The following EIF4G3 variants were observed in gnomAD, a reference collection of about 807,000 sequenced individuals.
EIF4G3 encodes eIF-4-gamma 3.
Under a neutral mutation model 186.4 loss-of-function variants are expected in EIF4G3, and 34 were observed. The ratio of observed to expected loss-of-function variants is 0.18; its 90% CI spans 0.14 to 0.24. The LOEUF (loss-of-function observed/expected upper bound fraction) is 0.24, where lower values mean the gene tolerates loss of function less well. EIF4G3 is among the 10% of genes least tolerant of loss of function. The pLI is 1.00. For missense variants in EIF4G3, 1,536 were observed against 1,948.5 expected (o/e 0.79, Z 3.99); for synonymous variants, 673 against 679.5 (o/e 0.99, Z 0.15).
chr1:21,009,226 G>A (rs1486120487), intron 4 of EIF4G3, among the ~76,000 whole-genome samples: 1 of 151,946 alleles, frequency 6.6e-6, no homozygotes, highest in Non-Finnish European at 1.5e-5. Flanking sequence ...TGTCACCTAC[G>A]CTAAAGTGCA....
intron 2 of EIF4G3, among the ~76,000 whole-genome samples, chr1:21,104,414 T>C (rs1236625715): frequency 1.3e-5 from 2 of 152,076 alleles, no homozygotes; most frequent in Non-Finnish European, 2.9e-5. Flanking sequence ...GCAAAGAACA[T>C]GAACAAACAC....
At chr1:21,070,393 C>A (rs6692244) in intron 3 of EIF4G3, among the ~76,000 whole-genome samples, 56,250 of 152,032 alleles carry the variant, frequency 0.37, 11,042 homozygotes, top group Non-Finnish European at 0.43. Flanking sequence ...TTATTACAAA[C>A]CTTTCTATAC....
At chr1:21,005,804 A>T (rs1344623857) in intron 4 of EIF4G3, among the ~76,000 whole-genome samples, 2 of 152,198 alleles carry the variant, frequency 1.3e-5, no homozygotes. Context: ...TACTAAAAAA[A>T]ACAAAGAATT....
At chr1:20,922,379 C>T (rs1286139040) in intron 14 of EIF4G3, among the ~76,000 whole-genome samples, 1 of 152,074 alleles carries the variant, frequency 6.6e-6, no homozygotes, top group Non-Finnish European at 1.5e-5. Flanking sequence ...ATCTCCGCCA[C>T]CTCTGCCTCC....
chr1:21,008,187 G>A (rs1306455745), intron 4 of EIF4G3, among the ~76,000 whole-genome samples: 2 of 152,170 alleles, frequency 1.3e-5, no homozygotes, highest in East Asian at 3.8e-4. Context: ...CCAGTAGGAA[G>A]TCTGCTATTT....
intron 2 of EIF4G3, chr1:21,167,944 A>G (rs2097885755): frequency 4.9e-6 from 2 of 405,518 alleles, no homozygotes; most frequent in Non-Finnish European, 1.0e-5. Flanking sequence ...CAATAACTCA[A>G]AAGATGTTTG....
intron 14 of EIF4G3, among the ~76,000 whole-genome samples, chr1:20,917,204 G>A (rs2093974691): frequency 6.6e-6 from 1 of 152,194 alleles, no homozygotes; most frequent in Admixed American, 6.5e-5. Context: ...CTGAATGAAA[G>A]AAGCCAGTCA....
At chr1:20,821,972 G>A (rs1359704182) in intron 33 of EIF4G3, among the ~76,000 whole-genome samples, 2 of 152,048 alleles carry the variant, frequency 1.3e-5, no homozygotes, top group Non-Finnish European at 1.5e-5. Flanking sequence ...CTGCCTCCTG[G>A]GTTCAAGCAA....
At chr1:20,993,501 G>C (rs1341567920) in intron 7 of EIF4G3, among the ~76,000 whole-genome samples, 3 of 151,860 alleles carry the variant, frequency 2.0e-5, no homozygotes, top group Admixed American at 6.6e-5. Context: ...TTTTTTCTTT[G>C]CAACAGCTAT....
At position 21,050,848 on chromosome 1, in the gene EIF4G3, A is replaced by T. The variant is rs1312846210; in HGVS notation, c.-67+18T>A. 2 of 689,470 alleles carry T rather than the reference A, an allele frequency of 2.9e-6. No homozygotes were observed. Among genetic ancestry groups the T allele is most frequent in the Non-Finnish European group, 5.3e-6 (2 of 378,194 alleles). The allele number at this position is 689,470 out of a possible 1,614,324, so 42.7% of individuals were successfully genotyped here. On this transcript the variant is annotated intron_variant, in intron 4 of 36. Transcript: ENST00000602326. ...TTACAGGGACATTTCTTATTTTTTT[A>T]AAAAAGGTTTATCTTACTTGAGAGA...
At position 20,943,996 on chromosome 1, in the gene EIF4G3, G is replaced by T. The variant is rs1413596450; in HGVS notation, c.824-1666C>A. 3.5e-4 allele frequency among the ~76,000 whole-genome samples: 48 copies of T among 137,194 alleles called. 1 individual carries two copies. The highest frequency in any genetic ancestry group is 1.2e-3 in the African/African-American group (44 of 37,948). 90.0% of individuals were successfully genotyped at this position (137,194 alleles called of 152,430 possible). ...TTTTTGTGTGTGTGTGTGTGTGTGT[G>T]TGTGTGTGTGTGTGTGTGTGTGTGT... On this transcript the variant is annotated intron_variant, in intron 13 of 36. Coordinates refer to ENST00000602326, the MANE Select transcript of EIF4G3 (RefSeq NM_001391906.1).
intron 2 of EIF4G3, among the ~76,000 whole-genome samples, chr1:21,094,765 TATA>T (rs368168938): frequency 0.058 from 8,212 of 140,830 alleles, 298 homozygotes; most frequent in African/African-American, 0.1. Context: ...GAACTTAAAG[TATA>T]ATAATAATAA....
At chr1:21,006,080 G>A (rs1267791637) in intron 4 of EIF4G3, among the ~76,000 whole-genome samples, 3 of 152,106 alleles carry the variant, frequency 2.0e-5, no homozygotes, top group Non-Finnish European at 2.9e-5. Context: ...TTCAACGATC[G>A]TTCAGAGCAT....
At chr1:20,898,152 A>G (rs1289761939) in intron 16 of EIF4G3, among the ~76,000 whole-genome samples, 1 of 152,098 alleles carries the variant, frequency 6.6e-6, no homozygotes, top group Non-Finnish European at 1.5e-5. Flanking sequence ...TTATGATAGC[A>G]TAAATTTACA....
intron 2 of EIF4G3, among the ~76,000 whole-genome samples, chr1:21,094,610 G>A (rs1299000282): frequency 2.7e-5 from 4 of 145,524 alleles, no homozygotes; most frequent in Admixed American, 1.4e-4. Flanking sequence ...ATCACACACC[G>A]GGGCCTGTCG....
At chr1:20,858,927 C>T (rs891005927) in intron 24 of EIF4G3, among the ~76,000 whole-genome samples, 1 of 152,100 alleles carries the variant, frequency 6.6e-6, no homozygotes, top group African/African-American at 2.4e-5. Context: ...ATCCGGGAGG[C>T]GGAGGTTGCA....
chr1:21,095,167 C>T lies in EIF4G3; in HGVS notation c.-271-5954G>A, dbSNP rs144423900. ...TTAATCAAACACATTAATATCTCTA[C>T]AGCAAAATATATGAATATTCAAACT... On this transcript the variant is annotated intron_variant, in intron 2 of 36. Transcript: ENST00000602326. Among the ~76,000 whole-genome samples, 863 of 152,284 alleles carry T rather than the reference C, an allele frequency of 5.7e-3. 2 individuals carry two copies. Among genetic ancestry groups the T allele is most frequent in the Middle Eastern group, 0.01 (3 of 294 alleles).
intron 3 of EIF4G3, among the ~76,000 whole-genome samples, chr1:21,067,209 T>G (rs1229825720): frequency 6.7e-6 from 1 of 149,318 alleles, no homozygotes; most frequent in Non-Finnish European, 1.5e-5. Context: ...CTTGGCTAAC[T>G]GCAACCTCTG....
At position 20,899,722 on chromosome 1, in the gene EIF4G3, A is replaced by G. The variant is rs1195106851; in HGVS notation, c.1974T>C (p.Asp658=). 6.2e-7 allele frequency: 1 copy of G among 1,614,074 alleles called. No individual in the cohort carries two copies. Among genetic ancestry groups the G allele is most frequent in the African/African-American group, 1.3e-5 (1 of 74,952 alleles). Residue 658 remains aspartate, a synonymous_variant, in exon 16 of 37, where the codon GAT becomes GAC. Coordinates refer to ENST00000602326, the MANE Select transcript of EIF4G3 (RefSeq NM_001391906.1). ...CTGGTTTAAATGGAAATGTAACCCC[A>G]TCACCAGAACTATCTGTGGAGCCTG... ...ANSGSTDSSG[D]GVTFPFKPES...
Sources: allele counts gnomAD v4.1 joint callset (sites outside exome capture counted in the v4.1 genomes callset), GRCh38; gene constraint gnomAD v4.1.1; transcripts MANE v1.5; gene names NCBI Gene and HGNC (gene_info 2026-07-23, HGNC 2026-07-21).